The following CELF1 variants were observed in gnomAD, a reference collection of about 807,000 sequenced individuals.
CELF1 encodes CUGBP Elav-like family member 1.
In CELF1, 10 loss-of-function variants were observed where a neutral mutation model predicts 61.8. The ratio of observed to expected loss-of-function variants is 0.16; its 90% CI spans 0.10 to 0.27. CELF1 has a LOEUF of 0.27. CELF1 is among the 10% of genes least tolerant of loss of function. The pLI, the probability that CELF1 is intolerant of heterozygous loss-of-function variation, is 1.00. For synonymous variants in CELF1, 236 were observed against 225.1 expected (o/e 1.05, Z -0.43); for missense variants, 380 against 639.1 (o/e 0.59, Z 4.37).
chr11:47,561,260 C>G (rs894313399), intron 2 of CELF1, among the ~76,000 whole-genome samples: 1 of 149,202 alleles, frequency 6.7e-6, no homozygotes, highest in African/African-American at 2.5e-5. Flanking sequence ...CTGGCTAACA[C>G]GGAGAAACCC....
intron 1 of CELF1, among the ~76,000 whole-genome samples, chr11:47,528,434 A>G (rs575568633): frequency 2.6e-5 from 4 of 152,152 alleles, no homozygotes; most frequent in Admixed American, 1.3e-4. Flanking sequence ...ATATACAGTT[A>G]TTCCATCTCA....
chr11:47,497,457 T>G (rs1406806201), intron 3 of CELF1, among the ~76,000 whole-genome samples: 1 of 152,234 alleles, frequency 6.6e-6, no homozygotes, highest in Non-Finnish European at 1.5e-5. Flanking sequence ...AAAAGACCTT[T>G]ACCTTTAAAC....
intron 2 of CELF1, among the ~76,000 whole-genome samples, chr11:47,562,158 G>A (rs759996292): frequency 6.6e-6 from 1 of 150,930 alleles, no homozygotes; most frequent in Admixed American, 6.6e-5. Context: ...CCTGAGAGGC[G>A]GAGGTTGTGG....
rs74973214 is a variant in CELF1 at position 47,493,875 on chromosome 11, C to G, written c.72-4851G>C. ...GAAGAGAAACAACACTCTCCCTCTT[C>G]CACATATACTTCCAATATGCATGTT... On this transcript the variant is annotated intron_variant, in intron 3 of 14. Transcript: ENST00000687097. 6.4e-4 allele frequency among the ~76,000 whole-genome samples: 98 copies of G among 152,320 alleles called. 4 individuals are homozygous for G. The East Asian group carries it at 0.017, about 27-fold the overall frequency.
intron 14 of CELF1, among the ~76,000 whole-genome samples, chr11:47,472,589 C>A (rs1185016580): frequency 6.6e-6 from 1 of 152,214 alleles, no homozygotes; most frequent in African/African-American, 2.4e-5. Flanking sequence ...GGGTCTTGCT[C>A]TGTCACCCAG....
chr11:47,498,095 C>T (rs1245963666), intron 3 of CELF1, among the ~76,000 whole-genome samples: 1 of 152,110 alleles, frequency 6.6e-6, no homozygotes, highest in Non-Finnish European at 1.5e-5. Flanking sequence ...CATAAAAAGA[C>T]ATTTAAATTA....
chr11:47,556,377 G>A (rs1290169742), upstream of CELF1, among the ~76,000 whole-genome samples: 1 of 152,106 alleles, frequency 6.6e-6, no homozygotes, highest in African/African-American at 2.4e-5. Context: ...AGAGACAGGG[G>A]TCTCACTATG....
chr11:47,484,450 G>C lies in CELF1; in HGVS notation c.465C>G (p.Phe155Leu). 6.2e-7 allele frequency: 1 copy of C among 1,613,844 alleles called. No homozygotes were observed. Among genetic ancestry groups the C allele is most frequent in the Non-Finnish European group, 8.5e-7 (1 of 1,179,894 alleles). ...KCTENDIRVMFSSFGQIEECR... is the reference protein window; with the variant it reads ...KCTENDIRVMLSSFGQIEECR... ...ATTCTTCAATCTGTCCAAACGAAGAGAACATGACTCGGATGTCATTTTCAG... is the reference window on the plus strand; with the variant it reads ...ATTCTTCAATCTGTCCAAACGAAGACAACATGACTCGGATGTCATTTTCAG... Residue 155 changes from phenylalanine (F) to leucine (L), a missense_variant, in exon 7 of 15, where the codon TTC becomes TTG. By Grantham distance (22) the Phe-to-Leu change is conservative. Coordinates refer to ENST00000687097, the MANE Select transcript of CELF1 (RefSeq NM_001376376.1).
At chr11:47,541,529 T>C (rs1036170227) in intron 1 of CELF1, among the ~76,000 whole-genome samples, 13 of 149,952 alleles carry the variant, frequency 8.7e-5, no homozygotes. Flanking sequence ...CGTCTCTACT[T>C]AAAACACAAA....
intron 1 of CELF1, among the ~76,000 whole-genome samples, chr11:47,532,179 C>T (rs1201879093): frequency 6.6e-6 from 1 of 152,030 alleles, no homozygotes; most frequent in Non-Finnish European, 1.5e-5. Flanking sequence ...TACAGGTACC[C>T]ACCACCAGGC....
chr11:47,520,332 C>T (rs949271800), intron 1 of CELF1, among the ~76,000 whole-genome samples: 33 of 152,186 alleles, frequency 2.2e-4, no homozygotes, highest in Non-Finnish European at 8.8e-5. Flanking sequence ...TGCTACCCTC[C>T]ACTGAATTAC....
chr11:47,516,070 GCAGGCGCCTGTAATCC>G (rs752054795), intron 1 of CELF1, among the ~76,000 whole-genome samples: 31 of 151,904 alleles, frequency 2.0e-4, no homozygotes, highest in Middle Eastern at 6.8e-3. Flanking sequence ...GGGCATGGTG[GCAGGCGCCTGTAATCC>G]CAGCTACTTG....
At chr11:47,537,940 G>T (rs1160852902) in intron 1 of CELF1, among the ~76,000 whole-genome samples, 1 of 150,306 alleles carries the variant, frequency 6.7e-6, no homozygotes, top group Non-Finnish European at 1.5e-5. Flanking sequence ...TTAAAGAAAG[G>T]TGTTTCACTT....
At chr11:47,517,922 C>T (rs932120341) in intron 1 of CELF1, among the ~76,000 whole-genome samples, 2 of 151,896 alleles carry the variant, frequency 1.3e-5, no homozygotes, top group African/African-American at 4.8e-5. Flanking sequence ...ATTACAGGCA[C>T]GAGCCACTGT....
At chr11:47,495,811 CCAAACAAGACCTT>C in intron 3 of CELF1, 1 of 191,372 alleles carries the variant, frequency 5.2e-6, no homozygotes, top group South Asian at 1.8e-4. Context: ...TTCCTTGCAG[CCAAACAAGACCTT>C]CAAACGGGAC....
chr11:47,546,901 A>C (rs1027126890), intron 1 of CELF1, among the ~76,000 whole-genome samples: 1 of 151,850 alleles, frequency 6.6e-6, no homozygotes. Context: ...CTCCGTCTCT[A>C]CTAAAAATAC....
At chr11:47,527,735 G>C (rs1015915047) in intron 1 of CELF1, among the ~76,000 whole-genome samples, 3 of 152,120 alleles carry the variant, frequency 2.0e-5, no homozygotes, top group African/African-American at 7.2e-5. Context: ...TCGTGTTTAA[G>C]ATCACAGCTT....
chr11:47,563,954 G>A (rs2097235169), intron 2 of CELF1, among the ~76,000 whole-genome samples: 1 of 151,690 alleles, frequency 6.6e-6, no homozygotes, highest in Non-Finnish European at 1.5e-5. Flanking sequence ...GCAGTGAGCT[G>A]AGATCACGCC....
chr11:47,478,765 A>G (rs981454328), intron 10 of CELF1, 112 bp downstream of exon 10: 3 of 837,072 alleles, frequency 3.6e-6, no homozygotes, highest in African/African-American at 3.4e-5. Flanking sequence ...TCAGGTTTAC[A>G]TAATAAGCAA....
Sources: gnomAD v4.1 joint callset for allele counts (sites outside exome capture counted in the v4.1 genomes callset) on GRCh38, gnomAD v4.1.1 for gene constraint, MANE v1.5 for transcripts, NCBI Gene and HGNC (gene_info 2026-07-23, HGNC 2026-07-21) for gene names.